Variants in SIK3 observed in about 807,000 individuals in gnomAD.
SIK3 encodes the protein serine/threonine-protein kinase SIK3.
SIK3 carries 28 observed loss-of-function variants against 144.2 expected under a neutral mutation model. The observed-to-expected ratio is 0.19, with a 90% CI of 0.14 to 0.27. The LOEUF is 0.27. SIK3 is among the 10% of genes least tolerant of loss of function. The probability of loss-of-function intolerance (pLI) is 1.00; values close to 1 mark genes in which losing one functional copy is unlikely to be tolerated. For synonymous variants in SIK3, 686 were observed against 676.3 expected, an observed-to-expected ratio of 1.01 and a Z score of -0.22; for missense variants, 1,319 against 1,776.0, an observed-to-expected ratio of 0.74 and a Z score of 4.62.
In SIK3 at chr11:117,006,033, C is replaced by A. The variant is rs185502234; in HGVS notation, c.274-48969G>T. 2.7e-4 allele frequency among the ~76,000 whole-genome samples: 41 copies of A among 152,270 alleles called. No homozygotes were observed. In the East Asian group the frequency reaches 5.6e-3, roughly 21 times the overall value. ...AAGGGGAACAGAAAGCAGAGGCCAA[C>A]AAATAGTGTTCCTTGCTCAAACTAA... On this transcript the variant is annotated intron_variant, in intron 1 of 24. Transcript: ENST00000445177.
chr11:116,846,649 G>T lies in SIK3; in HGVS notation c.3953-96C>A, dbSNP rs1941987733. 7.2e-7 allele frequency: 1 copy of T among 1,389,112 alleles called. No homozygotes were observed. The highest frequency in any genetic ancestry group is 1.0e-6 in the Non-Finnish European group (1 of 1,002,618). 86.0% of individuals were successfully genotyped at this position (1,389,112 alleles called of 1,614,324 possible). A position where few individuals can be genotyped will look rare whatever the true frequency, so the allele number is the denominator to read the frequency against. ...GGAGGAATTGAAGGCAACCTGTCGA[G>T]CATCCCACAGCCTGACTCCCAGCCC... On this transcript the variant is annotated intron_variant, in intron 23 of 24. Transcript: ENST00000445177. The surrounding 1 kb of genome is among the most constrained non-coding windows in gnomAD (Gnocchi z 4.1).
intron 1 of SIK3, among the ~76,000 whole-genome samples, chr11:116,978,088 T>TGCA (rs1950012790): frequency 6.6e-6 from 1 of 152,040 alleles, no homozygotes; most frequent in African/African-American, 2.4e-5. Context: ...CATGGTGGCA[T>TGCA]GCACCTGTAG....
chr11:116,855,860 A>G (rs1942869591), intron 21 of SIK3: 1 of 152,224 alleles, frequency 6.6e-6, no homozygotes, highest in South Asian at 2.1e-4. Context: ...GGGTTGTTGT[A>G]AGGATTAAAT....
chr11:117,013,915 G>GGGGGGTGTGTGTGTGTGTGTGTGTGT (rs1206309055), intron 1 of SIK3, among the ~76,000 whole-genome samples: 1 of 23,618 alleles, frequency 4.2e-5, no homozygotes, highest in Non-Finnish European at 1.3e-4. Context: ...GGGGGGGGAG[G>GGGGGGTGTGTGTGTGTGTGTGTGTGT]GTGTGTGTGT....
At chr11:116,912,532 C>A (rs950113076) in intron 4 of SIK3, among the ~76,000 whole-genome samples, 3 of 152,194 alleles carry the variant, frequency 2.0e-5, no homozygotes, top group African/African-American at 7.2e-5. Flanking sequence ...TACTAGTGTT[C>A]TCAGTGTCTC....
At chr11:116,946,022 A>G (rs1290851489) in intron 3 of SIK3, among the ~76,000 whole-genome samples, 1 of 152,120 alleles carries the variant, frequency 6.6e-6, no homozygotes, top group Non-Finnish European at 1.5e-5. Flanking sequence ...AATTGCCTAC[A>G]CCCACATGCA....
At chr11:116,861,791 T>C (rs1943343731) in intron 18 of SIK3, 50 bp downstream of exon 18, 1 of 1,262,662 alleles carries the variant, frequency 7.9e-7, no homozygotes, top group African/African-American at 1.5e-5. Flanking sequence ...AAGCCAAGGG[T>C]ACCAGGCTAT....
intron 14 of SIK3, chr11:116,868,744 A>AG (rs1433537853): frequency 1.3e-5 from 2 of 152,412 alleles, no homozygotes; most frequent in African/African-American, 4.8e-5. Context: ...TTAGTTAGGG[A>AG]GGGAAAAAGC....
intron 1 of SIK3, among the ~76,000 whole-genome samples, chr11:117,073,574 T>C (rs1365062026): frequency 1.3e-5 from 2 of 152,240 alleles, no homozygotes; most frequent in South Asian, 2.1e-4. Flanking sequence ...TAAAAAGCTG[T>C]TGAAGGCTAG....
At chr11:116,883,225 G>GT (rs1944637730) in intron 6 of SIK3, among the ~76,000 whole-genome samples, 1 of 152,278 alleles carries the variant, frequency 6.6e-6, no homozygotes, top group East Asian at 1.9e-4. Flanking sequence ...TTTAAAAAAT[G>GT]TTTGTCTCAG....
At chr11:116,941,633 T>C (rs1300153555) in intron 3 of SIK3, among the ~76,000 whole-genome samples, 6 of 152,186 alleles carry the variant, frequency 3.9e-5, no homozygotes, top group Non-Finnish European at 4.4e-5. Context: ...AAGTTCAGGG[T>C]TCCATACATG....
At chr11:117,087,750 C>G (rs1423623013) in intron 1 of SIK3, among the ~76,000 whole-genome samples, 1 of 152,156 alleles carries the variant, frequency 6.6e-6, no homozygotes, top group African/African-American at 2.4e-5. Context: ...ATATTAGGTG[C>G]CGTACAAGCA....
At chr11:117,084,754 G>A (rs897567215) in intron 1 of SIK3, among the ~76,000 whole-genome samples, 2 of 152,128 alleles carry the variant, frequency 1.3e-5, no homozygotes, top group African/African-American at 4.8e-5. Flanking sequence ...TAAATTAGAC[G>A]TGAATGAGAT....
At chr11:117,073,603 T>C (rs1474959238) in intron 1 of SIK3, among the ~76,000 whole-genome samples, 1 of 152,222 alleles carries the variant, frequency 6.6e-6, no homozygotes, top group African/African-American at 2.4e-5. Context: ...ATATGAAGTA[T>C]ACAGAACATA....
intron 3 of SIK3, among the ~76,000 whole-genome samples, chr11:116,947,444 T>C (rs1014573360): frequency 6.7e-6 from 1 of 150,018 alleles, no homozygotes; most frequent in Non-Finnish European, 1.5e-5. Flanking sequence ...AGAATTCAGA[T>C]GCTACAAAGA....
chr11:116,874,165 C>A, intron 11 of SIK3, 109 bp from the exon 12 acceptor site: 4 of 1,137,456 alleles, frequency 3.5e-6, no homozygotes, highest in East Asian at 5.1e-5. Context: ...ATTTTATTTT[C>A]TTCCTGAATT....
intron 1 of SIK3, among the ~76,000 whole-genome samples, chr11:117,082,751 T>A (rs1051561034): frequency 2.0e-5 from 3 of 152,128 alleles, no homozygotes; most frequent in African/African-American, 7.2e-5. Flanking sequence ...TTGGGTGAAC[T>A]GTATGGTCTG....
intron 3 of SIK3, among the ~76,000 whole-genome samples, chr11:116,943,779 T>C (rs1261414700): frequency 6.6e-6 from 1 of 152,130 alleles, no homozygotes. Context: ...TTGTCTTTGC[T>C]TGACATTATT....
intron 1 of SIK3, among the ~76,000 whole-genome samples, chr11:116,972,503 C>G (rs1949798604): frequency 6.6e-6 from 1 of 152,156 alleles, no homozygotes; most frequent in South Asian, 2.1e-4. Flanking sequence ...ACAGCTCTAC[C>G]TACCTCCATT....
Sources: allele counts gnomAD v4.1 joint callset (sites outside exome capture counted in the v4.1 genomes callset), GRCh38; gene constraint gnomAD v4.1.1; non-coding constraint Gnocchi (gnomAD v3.1); transcripts MANE v1.5; gene names NCBI Gene and HGNC (gene_info 2026-07-23, HGNC 2026-07-21).